The following LTBP1 variants were observed in gnomAD, a reference collection of about 807,000 sequenced individuals.
LTBP1 encodes the protein latent-transforming growth factor beta-binding protein 1.
Under a neutral mutation model 207.6 loss-of-function variants are expected in LTBP1, and 129 were observed. The observed-to-expected ratio is 0.62, with a 90% CI of 0.54 to 0.72. LTBP1 has a LOEUF of 0.72. LTBP1 is among the 30% of genes least tolerant of loss of function. The probability of loss-of-function intolerance (pLI) is 0.00; values close to 1 mark genes in which losing one functional copy is unlikely to be tolerated. For missense variants in LTBP1, 2,281 were observed against 2,217.2 expected, an observed-to-expected ratio of 1.03 and a Z score of -0.58; for synonymous variants, 963 against 833.7, an observed-to-expected ratio of 1.16 and a Z score of -2.67.
intron 31 of LTBP1, among the ~76,000 whole-genome samples, chr2:33,379,006 AAAG>A (rs1166138448): frequency 5.9e-5 from 9 of 152,140 alleles, no homozygotes; most frequent in Admixed American, 2.6e-4. Context: ...CTACCTTAAG[AAAG>A]AAGCAGATTA....
intron 4 of LTBP1, among the ~76,000 whole-genome samples, chr2:33,113,259 G>A (rs886275981): frequency 6.6e-6 from 1 of 152,168 alleles, no homozygotes; most frequent in African/African-American, 2.4e-5. Context: ...TAATAATAAT[G>A]CATACCTTGA....
At chr2:33,357,542 C>T (rs2094878568) in intron 26 of LTBP1, among the ~76,000 whole-genome samples, 1 of 152,138 alleles carries the variant, frequency 6.6e-6, no homozygotes, top group Non-Finnish European at 1.5e-5. Context: ...CTGTATTTAC[C>T]AGCACCTTCT....
intron 31 of LTBP1, among the ~76,000 whole-genome samples, chr2:33,377,036 C>T (rs190102310): frequency 3.9e-5 from 6 of 152,198 alleles, no homozygotes; most frequent in African/African-American, 1.4e-4. Flanking sequence ...AGTTATGATC[C>T]TATTGTAGTC....
At chr2:33,074,376 G>A (rs2077964097) in intron 3 of LTBP1, among the ~76,000 whole-genome samples, 1 of 152,000 alleles carries the variant, frequency 6.6e-6, no homozygotes, top group South Asian at 2.1e-4. Context: ...AACTGACTCA[G>A]TTACTTTCTC....
intron 16 of LTBP1, among the ~76,000 whole-genome samples, 176 bp from the exon 17 acceptor site, chr2:33,274,789 T>C (rs1387122981): frequency 6.6e-6 from 1 of 152,184 alleles, no homozygotes; most frequent in Non-Finnish European, 1.5e-5. Flanking sequence ...TGCTTCTCTC[T>C]TCCAGGAACA....
Position 33,398,710 on chromosome 2 carries a change from C to T in LTBP1, c.*165C>T, listed in dbSNP as rs1034746967. 5.2e-6 allele frequency: 3 copies of T among 581,602 alleles called. No individual in the cohort carries two copies. Among genetic ancestry groups the T allele is most frequent in the Admixed American group, 3.6e-5 (1 of 27,960 alleles). 36.0% of individuals were successfully genotyped at this position (581,602 alleles called of 1,614,324 possible). ...ACAATGAGAGGATTTAGGATGAGCCCGATAGGTGTGGCAGACCAAATGGAC... is the reference window on the plus strand; with the variant it reads ...ACAATGAGAGGATTTAGGATGAGCCTGATAGGTGTGGCAGACCAAATGGAC... On this transcript the variant is annotated 3_prime_UTR_variant, in exon 34 of 34. Coordinates refer to ENST00000404816, the MANE Select transcript of LTBP1 (RefSeq NM_206943.4).
chr2:33,056,488 T>A, intron 3 of LTBP1: 23 of 709,200 alleles, frequency 3.2e-5, no homozygotes, highest in Non-Finnish European at 4.3e-5. Context: ...TGAGGGATGA[T>A]GCGCGTCTTC....
chr2:33,122,203 CTT>C (rs1178194307), intron 4 of LTBP1, among the ~76,000 whole-genome samples: 1 of 152,170 alleles, frequency 6.6e-6, no homozygotes, highest in Non-Finnish European at 1.5e-5. Flanking sequence ...TATTTCCTCT[CTT>C]CCTTCTTCTA....
At chr2:33,330,214 A>G (rs185844335) in intron 24 of LTBP1, among the ~76,000 whole-genome samples, 2 of 152,192 alleles carry the variant, frequency 1.3e-5, no homozygotes, top group African/African-American at 4.8e-5. Context: ...TTGTACATTG[A>G]ACTTGTATCC....
rs1427178589 is a variant in LTBP1 at position 33,398,534 on chromosome 2, G to C, written c.5155G>C (p.Asp1719His). 6.2e-7 allele frequency: 1 copy of C among 1,613,664 alleles called. No homozygotes were observed. Among genetic ancestry groups the C allele is most frequent in the Non-Finnish European group, 8.5e-7 (1 of 1,179,856 alleles). ...CGCCTTGAATTTAGAGAAAGACAGT[G>C]ACCTGGAGTGAAACAGAATCTACAT... ...NTALNLEKDS[D>H]LE is the part of the protein sequence containing the mutation. Residue 1719 changes from aspartate (D) to histidine (H), a missense_variant, in exon 34 of 34, where the codon GAC becomes CAC. This residue lies in a region of LTBP1 where 1,671 missense variants were observed against 1,634.8 expected (regional missense o/e 1.02). Coordinates refer to ENST00000404816, the MANE Select transcript of LTBP1 (RefSeq NM_206943.4).
intron 5 of LTBP1, among the ~76,000 whole-genome samples, chr2:33,168,011 A>T (rs1054666784): frequency 5.3e-5 from 8 of 152,306 alleles, no homozygotes; most frequent in African/African-American, 1.9e-4. Flanking sequence ...CTACCATCGA[A>T]GTTTATGATA....
intron 3 of LTBP1, among the ~76,000 whole-genome samples, chr2:33,036,896 C>T (rs995034105): frequency 2.6e-5 from 4 of 152,174 alleles, no homozygotes; most frequent in African/African-American, 9.7e-5. Context: ...TTGGAACACA[C>T]ACTGCTATGT....
chr2:33,347,550 CT>C (rs751099143), intron 26 of LTBP1, 40 bp downstream of exon 26: 5 of 1,611,486 alleles, frequency 3.1e-6, no homozygotes, highest in Non-Finnish European at 4.2e-6. Flanking sequence ...TGACAGGCTC[CT>C]CTCAAAGACC....
chr2:32,996,597 C>T (rs1001326196), intron 2 of LTBP1, among the ~76,000 whole-genome samples: 1 of 152,150 alleles, frequency 6.6e-6, no homozygotes, highest in African/African-American at 2.4e-5. Flanking sequence ...AGAGTGGTTG[C>T]TGCTGTTGTC....
At chr2:33,068,143 A>G (rs979512457) in intron 3 of LTBP1, among the ~76,000 whole-genome samples, 3 of 110,512 alleles carry the variant, frequency 2.7e-5, no homozygotes, top group African/African-American at 1.1e-4. Context: ...TAGCAGAGTA[A>G]CATTTGCGAT....
chr2:33,013,172 CAT>C (rs1687904589), intron 2 of LTBP1, among the ~76,000 whole-genome samples: 1 of 152,086 alleles, frequency 6.6e-6, no homozygotes, highest in Non-Finnish European at 1.5e-5. Flanking sequence ...ATATTTGAAA[CAT>C]ATTGTTAAAC....
At chr2:33,267,521 A>T (rs72858088) in intron 15 of LTBP1, among the ~76,000 whole-genome samples, 4,844 of 152,290 alleles carry the variant, frequency 0.032, 279 homozygotes, top group African/African-American at 0.11. Flanking sequence ...GAGCACACTG[A>T]TAAGAGACTG....
At chr2:33,056,449 T>G in intron 3 of LTBP1, 6 of 953,920 alleles carry the variant, frequency 6.3e-6, no homozygotes, top group Non-Finnish European at 9.2e-6. Context: ...TTTAGTTCCC[T>G]GTTGTTGCAA....
intron 5 of LTBP1, among the ~76,000 whole-genome samples, chr2:33,177,452 C>G (rs887158409): frequency 6.6e-6 from 1 of 152,078 alleles, no homozygotes; most frequent in Non-Finnish European, 1.5e-5. Context: ...GAGTTCAAGA[C>G]CAGCCTGGCC....
Sources: gnomAD v4.1 joint callset for allele counts (sites outside exome capture counted in the v4.1 genomes callset) on GRCh38, gnomAD v4.1.1 for gene constraint, gnomAD v4.1.1 regional missense constraint, MANE v1.5 for transcripts, NCBI Gene and HGNC (gene_info 2026-07-23, HGNC 2026-07-21) for gene names.